The following CYBC1 variants were observed in gnomAD, a reference collection of about 807,000 sequenced individuals.
The protein encoded by CYBC1 is cytochrome b-245 chaperone 1, also known as essential for reactive oxygen species protein.
In CYBC1, 22 loss-of-function variants were observed where a neutral mutation model predicts 21.7. The observed-to-expected ratio is 1.02, with a 90% CI of 0.73 to 1.45. CYBC1 has a LOEUF of 1.45. Among genes scored for constraint, CYBC1 ranks in the 40% most tolerant of loss-of-function variants. CYBC1 has a pLI of 0.00. For synonymous variants in CYBC1, 112 were observed against 98.7 expected (o/e 1.13, Z -0.80); for missense variants, 237 against 242.1 (o/e 0.98, Z 0.14).
rs758858949 is a variant in CYBC1, at chr17:82,443,512, C to G, written c.*492G>C. The G allele has an allele frequency of 2.9e-6, 2 of 699,304 alleles. No homozygotes were observed. Among genetic ancestry groups the G allele is most frequent in the Non-Finnish European group, 5.2e-6 (2 of 383,470 alleles). 43.3% of individuals were successfully genotyped at this position (699,304 alleles called of 1,614,324 possible). The stretch of plus-strand genomic sequence containing the variant: ...GTCCACCAGGGAGAGGACGCTGTGT[C>G]GGGGACAACATGCAGCATCAGCACC... On this transcript the variant is annotated 3_prime_UTR_variant, in exon 7 of 7. Coordinates refer to ENST00000306645, the MANE Select transcript of CYBC1 (RefSeq NM_001033046.4). The surrounding 1 kb of genome is among the most constrained non-coding windows in gnomAD (Gnocchi z 6.7).
chr17:82,442,602 G>A lies in CYBC1; in HGVS notation c.*1402C>T. On this transcript the variant is annotated 3_prime_UTR_variant, in exon 7 of 7. Coordinates refer to ENST00000306645, the MANE Select transcript of CYBC1 (RefSeq NM_001033046.4). This position sits in a 1 kb window ranked among gnomAD's most constrained non-coding sequence, Gnocchi z 6.8. ...GAGACCCGCTTTGTGATCTGCATGT[G>A]TGACACTGATTCTTTGGAAATAAAG... 6 of 1,556,628 alleles carry A rather than the reference G, an allele frequency of 3.9e-6. No individual in the cohort carries two copies. The highest frequency in any genetic ancestry group is 5.2e-6 in the Non-Finnish European group (6 of 1,144,556).
Position 82,443,537 on chromosome 17 carries a change from C to T in CYBC1, c.*467G>A. The stretch of plus-strand genomic sequence containing the variant: ...CGGGGACAACATGCAGCATCAGCAC[C>T]CACAAGGGCCCGGCCTGGCCCCGCC... On this transcript the variant is annotated 3_prime_UTR_variant, in exon 7 of 7. Coordinates refer to ENST00000306645, the MANE Select transcript of CYBC1 (RefSeq NM_001033046.4). The surrounding 1 kb of genome is among the most constrained non-coding windows in gnomAD (Gnocchi z 6.7). 1.4e-6 allele frequency: 1 copy of T among 701,308 alleles called. No homozygotes were observed. The highest frequency in any genetic ancestry group is 2.0e-5 in the Admixed American group (1 of 49,998). The allele number at this position is 701,308 out of a possible 1,614,324, so 43.4% of individuals were successfully genotyped here. A position where few individuals can be genotyped will look rare whatever the true frequency, so the allele number is the denominator to read the frequency against.
Position 82,444,129 on chromosome 17 carries a change from G to T in CYBC1, c.444-5C>A. 6.2e-7 allele frequency: 1 copy of T among 1,608,336 alleles called. No homozygotes were observed. The highest frequency in any genetic ancestry group is 8.5e-7 in the Non-Finnish European group (1 of 1,175,912). On this transcript the variant is annotated splice_polypyrimidine_tract_variant and splice_region_variant and intron_variant, in intron 6 of 6. Transcript: ENST00000306645. ...TTGGCGATGGCTTCCACATCACTGG[G>T]CGAGGCCGGCAACGGGAGGAAGGTC...
intron 4 of CYBC1, 47 bp downstream of exon 4, chr17:82,446,576 G>A: frequency 6.3e-7 from 1 of 1,592,042 alleles, no homozygotes; most frequent in African/African-American, 1.3e-5. Flanking sequence ...AAAAAACCCA[G>A]GAGCTGAACA....
chr17:82,445,756 G>C (rs1014061311), intron 5 of CYBC1, 108 bp downstream of exon 5: 20 of 778,610 alleles, frequency 2.6e-5, no homozygotes, highest in Non-Finnish European at 4.1e-5. Context: ...GGTGAGCTTG[G>C]ACCAAAGGCA....
At position 82,443,623 on chromosome 17, in the gene CYBC1, C is replaced by T; in HGVS notation, c.*381G>A. 1.4e-6 allele frequency: 1 copy of T among 727,380 alleles called. No individual in the cohort carries two copies. Among genetic ancestry groups the T allele is most frequent in the Non-Finnish European group, 2.5e-6 (1 of 399,194 alleles). The allele number at this position is 727,380 out of a possible 1,614,324, so 45.1% of individuals were successfully genotyped here. ...CAGGAGTCCAGGGCTGGCGAGACCTCCGGCTGCAGAAAGGCAGGCCCAGGC... is the reference window on the plus strand; with the variant it reads ...CAGGAGTCCAGGGCTGGCGAGACCTTCGGCTGCAGAAAGGCAGGCCCAGGC... On this transcript the variant is annotated 3_prime_UTR_variant, in exon 7 of 7. Transcript: ENST00000306645. The surrounding 1 kb of genome is among the most constrained non-coding windows in gnomAD (Gnocchi z 6.7).
rs572249946 is a variant in CYBC1 at position 82,444,535 on chromosome 17, A to C, written c.355T>G (p.Tyr119Asp). ...DVSVEEEKVR[Y>D]FGKGYMVVLR... Reference sequence around the variant, plus strand: ...ACCACCATGTAGCCTTTCCCGAAGTACCGGACCTTCTCCTCCTCCACGCTC... The same window carrying C: ...ACCACCATGTAGCCTTTCCCGAAGTCCCGGACCTTCTCCTCCTCCACGCTC... The change falls in exon 6 of 7, where the codon TAC becomes GAC. Residue 119 changes from tyrosine (Y) to aspartate (D), a missense_variant. Tyr to Asp is a radical substitution (Grantham distance 160, BLOSUM62 -3). Transcript: ENST00000306645. 3.1e-6 allele frequency: 5 copies of C among 1,613,950 alleles called. No homozygotes were observed. The East Asian group carries it at 1.1e-4, about 36-fold the overall frequency.
Position 82,449,169 on chromosome 17 carries a change from C to T in CYBC1, c.85+1G>A. On this transcript the variant is annotated splice_donor_variant, in intron 2 of 6. Coordinates refer to ENST00000306645, the MANE Select transcript of CYBC1 (RefSeq NM_001033046.4). LOFTEE classifies it high-confidence loss of function. ...CTGGGGAGGGACGTGGAGAGCCTTACCAACCAGCAGGGACCAGGACCGGAT... is the reference window on the plus strand; with the variant it reads ...CTGGGGAGGGACGTGGAGAGCCTTATCAACCAGCAGGGACCAGGACCGGAT... 6.4e-7 allele frequency: 1 copy of T among 1,567,500 alleles called. No homozygotes were observed. The highest frequency in any genetic ancestry group is 8.6e-7 in the Non-Finnish European group (1 of 1,158,616).
Position 82,449,272 on chromosome 17 carries a change from ACT to A in CYBC1, c.-20_-19del, listed in dbSNP as rs1714825684. On this transcript the variant is annotated 5_prime_UTR_variant, in exon 2 of 7. Coordinates refer to ENST00000306645, the MANE Select transcript of CYBC1 (RefSeq NM_001033046.4). ...AGGTACATCCCGAGAGGGCAGCACCACTCTCTACAGGAGGAGGGGTCTGGGAA... is the reference window on the plus strand; with the variant it reads ...AGGTACATCCCGAGAGGGCAGCACCACTCTACAGGAGGAGGGGTCTGGGAA... The A allele has an allele frequency of 1.9e-6, 3 of 1,538,932 alleles. No homozygotes were observed. Among genetic ancestry groups the A allele is most frequent in the South Asian group, 1.2e-5 (1 of 83,052 alleles).
chr17:82,449,686 A>C (rs572411055), intron 1 of CYBC1: 58 of 166,070 alleles, frequency 3.5e-4, no homozygotes, highest in Non-Finnish European at 3.5e-4. Flanking sequence ...TCCACCAAGA[A>C]AGGAACTGAA....
In CYBC1 at chr17:82,442,597, CAT is replaced by C. The variant is rs747941586; in HGVS notation, c.*1405_*1406del. 1.3e-6 allele frequency: 2 copies of C among 1,562,256 alleles called. No homozygotes were observed. The highest frequency in any genetic ancestry group is 3.6e-5 in the Admixed American group (2 of 55,506). Reference sequence around the variant, plus strand: ...ACAGGGAGACCCGCTTTGTGATCTGCATGTGTGACACTGATTCTTTGGAAATA... The same window carrying C: ...ACAGGGAGACCCGCTTTGTGATCTGCGTGTGACACTGATTCTTTGGAAATA... On this transcript the variant is annotated 3_prime_UTR_variant, in exon 7 of 7. Coordinates refer to ENST00000306645, the MANE Select transcript of CYBC1 (RefSeq NM_001033046.4). The surrounding 1 kb of genome is among the most constrained non-coding windows in gnomAD (Gnocchi z 6.8).
Position 82,446,770 on chromosome 17 carries a change from T to G in CYBC1, c.128-74A>C, listed in dbSNP as rs535372187. The G allele has an allele frequency of 2.0e-6, 3 of 1,468,362 alleles. No homozygotes were observed. In the South Asian group the frequency reaches 3.4e-5, roughly 17 times the overall value. The allele number at this position is 1,468,362 out of a possible 1,614,324, so 91.0% of individuals were successfully genotyped here. On this transcript the variant is annotated intron_variant, in intron 3 of 6. Coordinates refer to ENST00000306645, the MANE Select transcript of CYBC1 (RefSeq NM_001033046.4). ...ACGGGAGGCCCCGCCTAGCACAGCC[T>G]CCCCCAGACGCTGGCCAGAGCCCAC... is the stretch of plus-strand genomic sequence containing the variant.
chr17:82,445,602 A>T (rs569923418), intron 5 of CYBC1: 1 of 394,750 alleles, frequency 2.5e-6, no homozygotes, highest in South Asian at 2.7e-5. Context: ...TGCTCCTCAG[A>T]CCCCTGCTCC....
chr17:82,447,437 G>A (rs910143387), intron 3 of CYBC1, 143 bp downstream of exon 3: 23 of 724,380 alleles, frequency 3.2e-5, no homozygotes, highest in Admixed American at 8.2e-5. Flanking sequence ...TGGAGGGCGC[G>A]GTGCCCGCCA....
chr17:82,449,180 G>C lies in CYBC1; in HGVS notation c.75C>G (p.Ser25=). 6.4e-7 allele frequency: 1 copy of C among 1,574,460 alleles called. No homozygotes were observed. The highest frequency in any genetic ancestry group is 1.9e-5 in the Admixed American group (1 of 52,232). ...LKRAPGIRSW[S]LLVGILSIGL... is the part of the protein sequence containing the mutation. ...CGTGGAGAGCCTTACCAACCAGCAG[G>C]GACCAGGACCGGATGCCTGGAGCCC... The change falls in exon 2 of 7, where the codon TCC becomes TCG. Residue 25 remains serine (S), a synonymous_variant. Transcript: ENST00000306645.
chr17:82,446,746 C>T (rs750765186), intron 3 of CYBC1, 50 bp from the exon 4 acceptor site: 9 of 1,577,764 alleles, frequency 5.7e-6, no homozygotes, highest in Admixed American at 3.3e-5. Context: ...GACATGCCCA[C>T]GGGAGGCCCC....
At position 82,446,946 on chromosome 17, in the gene CYBC1, A is replaced by T. The variant is rs1599784747; in HGVS notation, c.128-250T>A. On this transcript the variant is annotated intron_variant, in intron 3 of 6. Transcript: ENST00000306645. ...GCACAGGGCCTCTGCCCGTCTGGGC[A>T]GGCCCAGTGATTGTGGCAGGGTGGG... The T allele has an allele frequency of 5.5e-5, 31 of 563,306 alleles. No individual in the cohort carries two copies. The East Asian group carries it at 8.9e-4, about 16-fold the overall frequency. The allele number at this position is 563,306 out of a possible 1,614,324, so 34.9% of individuals were successfully genotyped here.
chr17:82,449,431 C>T lies in CYBC1; in HGVS notation c.-38-139G>A, dbSNP rs560365681. On this transcript the variant is annotated intron_variant, in intron 1 of 6. Transcript: ENST00000306645. ...CCCAGACACCATCAGCCAGTCTCAC[C>T]TGGTCTCTGTGGTTGGGCACGTCAC... 6.3e-6 allele frequency: 3 copies of T among 472,788 alleles called. No individual in the cohort carries two copies. In the South Asian group the frequency reaches 1.2e-4, roughly 19 times the overall value. The allele number at this position is 472,788 out of a possible 1,614,324, so 29.3% of individuals were successfully genotyped here. A position where few individuals can be genotyped will look rare whatever the true frequency, so the allele number is the denominator to read the frequency against.
chr17:82,447,250 G>A (rs1475038957), intron 3 of CYBC1: 2 of 397,238 alleles, frequency 5.0e-6, no homozygotes, highest in Non-Finnish European at 9.2e-6. Context: ...CTACTTGGGA[G>A]GCTGAGGCAG....
Sources: gnomAD v4.1 joint callset for allele counts on GRCh38, gnomAD v4.1.1 for gene constraint, Gnocchi (gnomAD v3.1) non-coding constraint, MANE v1.5 for transcripts, NCBI Gene and HGNC (gene_info 2026-07-23, HGNC 2026-07-21) for gene names.